Variants in CENPT observed in about 807,000 individuals in gnomAD.
The protein encoded by CENPT is interphase centromere complex protein 22.
Under a neutral mutation model 59.7 loss-of-function variants are expected in CENPT, and 42 were observed. The ratio of observed to expected loss-of-function variants is 0.70; its 90% CI spans 0.55 to 0.91. The LOEUF is 0.91. Among genes scored for constraint, CENPT ranks in the 40% least tolerant of loss-of-function variants. The pLI, the probability that CENPT is intolerant of heterozygous loss-of-function variation, is 0.00. For missense variants in CENPT, 716 were observed against 713.4 expected (o/e 1.00, Z -0.04); for synonymous variants, 295 against 289.6 (o/e 1.02, Z -0.19).
rs947102331 is a variant in CENPT, at chr16:67,832,278, T to C, written c.239A>G (p.His80Arg). 26 of 1,614,084 alleles carry C rather than the reference T, an allele frequency of 1.6e-5. No individual in the cohort carries two copies. The highest frequency in any genetic ancestry group is 2.0e-5 in the Non-Finnish European group (24 of 1,180,022). Residue 80 changes from histidine to arginine, a missense_variant, in exon 6 of 16, where the codon CAC (histidine) becomes CGC (arginine). Coordinates refer to ENST00000562787, the MANE Select transcript of CENPT (RefSeq NM_025082.4). ...GRSAHIQASG[H>R]LEEQTPRTLL... is the part of the protein sequence containing the mutation. ...CGTCCGAGGTGTCTGTTCCTCCAAGTGCCCACTGGCCTGAATATGGGCCGA... is the reference window on the plus strand; with the variant it reads ...CGTCCGAGGTGTCTGTTCCTCCAAGCGCCCACTGGCCTGAATATGGGCCGA...
intron 12 of CENPT, 43 bp from the exon 13 acceptor site, chr16:67,829,559 C>G (rs948656477): frequency 2.0e-6 from 3 of 1,519,152 alleles, no homozygotes; most frequent in Middle Eastern, 1.7e-4. Flanking sequence ...CCAGGCCTGA[C>G]CATCTCACCC....
intron 1 of CENPT, among the ~76,000 whole-genome samples, chr16:67,845,344 G>C (rs1441161749): frequency 6.6e-6 from 1 of 152,196 alleles, no homozygotes; most frequent in Non-Finnish European, 1.5e-5. Flanking sequence ...TAAAACTCAA[G>C]TCTCTGTTTC....
In CENPT at chr16:67,842,457, CGCGGCGCCGCCCGTCGAGGGGCGG is replaced by C. The variant is rs2057768501; in HGVS notation, c.-492+4920_-492+4943del. On this transcript the variant is annotated intron_variant, in intron 1 of 15. Transcript: ENST00000562787. The surrounding 1 kb of genome is among the most constrained non-coding windows in gnomAD (Gnocchi z 4.9). Reference sequence around the variant, plus strand: ...TGGTGGGATACCACCCAAGGCCTCGCGCGGCGCCGCCCGTCGAGGGGCGGGCGGCGGCGTAGCCACTGGGCCGTC... The same window carrying C: ...TGGTGGGATACCACCCAAGGCCTCGCGCGGCGGCGTAGCCACTGGGCCGTC... 9.0e-6 allele frequency: 9 copies of C among 1,004,428 alleles called. No individual in the cohort carries two copies. The highest frequency in any genetic ancestry group is 1.1e-5 in the Non-Finnish European group (9 of 782,750). The allele number at this position is 1,004,428 out of a possible 1,614,324, so 62.2% of individuals were successfully genotyped here. A position where few individuals can be genotyped will look rare whatever the true frequency, so the allele number is the denominator to read the frequency against.
At chr16:67,841,308 GCCTGCAGAATAAAA>G (rs1185844532) in intron 1 of CENPT, among the ~76,000 whole-genome samples, 1 of 151,042 alleles carries the variant, frequency 6.6e-6, no homozygotes, top group African/African-American at 2.4e-5. Flanking sequence ...GCTCTCAGTG[GCCTGCAGAATAAAA>G]CCCCAAATCC....
chr16:67,846,604 A>C (rs568672464), intron 1 of CENPT: 1 of 152,474 alleles, frequency 6.6e-6, no homozygotes, highest in African/African-American at 2.4e-5. Flanking sequence ...AGGCGGGGCC[A>C]ACCCCCACCC....
intron 1 of CENPT, among the ~76,000 whole-genome samples, chr16:67,836,452 T>A (rs2057735375): frequency 6.6e-6 from 1 of 151,578 alleles, no homozygotes; most frequent in South Asian, 2.1e-4. Context: ...TTTTTTTTTT[T>A]TTGAGATGGA....
rs1308898526 is a variant in CENPT, at chr16:67,842,190, C to A, written c.-492+5211G>T. ...CGGGCTGGGGAAAGAATCTGCTCTTCGGAGGCTATCGCAGTGCCTTGGAAG... is the reference window on the plus strand; with the variant it reads ...CGGGCTGGGGAAAGAATCTGCTCTTAGGAGGCTATCGCAGTGCCTTGGAAG... On this transcript the variant is annotated intron_variant, in intron 1 of 15. Transcript: ENST00000562787. This position sits in a 1 kb window ranked among gnomAD's most constrained non-coding sequence, Gnocchi z 4.9. The A allele has an allele frequency of 6.5e-6, 1 of 152,730 alleles. No homozygotes were observed. Among genetic ancestry groups the A allele is most frequent in the African/African-American group, 2.4e-5 (1 of 41,504 alleles). The allele number at this position is 152,730 out of a possible 1,614,324, so 9.5% of individuals were successfully genotyped here.
At chr16:67,838,083 A>T (rs1285562590) in intron 1 of CENPT, among the ~76,000 whole-genome samples, 2 of 152,148 alleles carry the variant, frequency 1.3e-5, no homozygotes, top group Admixed American at 6.6e-5. Flanking sequence ...TGGATCGTGG[A>T]GGTGGGGAGA....
intron 1 of CENPT, among the ~76,000 whole-genome samples, chr16:67,845,724 G>A (rs2057793407): frequency 6.6e-6 from 1 of 152,258 alleles, no homozygotes; most frequent in Non-Finnish European, 1.5e-5. Context: ...GGGAGAAGAA[G>A]ACAGTTCACA....
intron 1 of CENPT, among the ~76,000 whole-genome samples, chr16:67,839,027 G>A (rs2057747425): frequency 6.6e-6 from 1 of 152,080 alleles, no homozygotes; most frequent in Admixed American, 6.6e-5. Context: ...AAGGTGGCCG[G>A]ATCACCTGAG....
intron 1 of CENPT, among the ~76,000 whole-genome samples, chr16:67,839,682 GCCCAACATGGCGAAA>G (rs1456992262): frequency 7.2e-5 from 11 of 152,002 alleles, no homozygotes; most frequent in African/African-American, 2.7e-4. Context: ...AGACCAGCCA[GCCCAACATGGCGAAA>G]CCCTGTCTCT....
At chr16:67,837,531 AC>A (rs1302381903) in intron 1 of CENPT, among the ~76,000 whole-genome samples, 1 of 151,550 alleles carries the variant, frequency 6.6e-6, no homozygotes, top group South Asian at 2.1e-4. Context: ...AGATGGTGAA[AC>A]CCTGTCTCTA....
rs780966663 is a variant in CENPT at position 67,842,773 on chromosome 16, G to A, written c.-492+4628C>T. On this transcript the variant is annotated intron_variant, in intron 1 of 15. Transcript: ENST00000562787. The surrounding 1 kb of genome is among the most constrained non-coding windows in gnomAD (Gnocchi z 4.9). ...TCCAGGGCGGCCGCAAGACCTACAC[G>A]GTACGCGTCCCCACCATCTTCCCGC... The A allele has an allele frequency of 8.8e-5, 142 of 1,610,608 alleles. No homozygotes were observed. Among genetic ancestry groups the A allele is most frequent in the Middle Eastern group, 1.7e-4 (1 of 6,060 alleles).
chr16:67,835,828 GT>G (rs368629793), intron 1 of CENPT, among the ~76,000 whole-genome samples, 170 bp from the exon 2 acceptor site: 9 of 147,618 alleles, frequency 6.1e-5, no homozygotes, highest in Middle Eastern at 3.5e-3. Context: ...CCTAAATGCA[GT>G]TTTTTTTTTG....
At chr16:67,840,088 G>A (rs890804663) in intron 1 of CENPT, among the ~76,000 whole-genome samples, 4 of 151,938 alleles carry the variant, frequency 2.6e-5, no homozygotes, top group Non-Finnish European at 4.4e-5. Context: ...AGGCCGAGGC[G>A]GGCGGATCAC....
At chr16:67,844,854 T>C (rs1042849651) in intron 1 of CENPT, among the ~76,000 whole-genome samples, 1 of 151,986 alleles carries the variant, frequency 6.6e-6, no homozygotes, top group African/African-American at 2.4e-5. Context: ...AATGGTGTGA[T>C]CTCAGCTCAC....
intron 1 of CENPT, among the ~76,000 whole-genome samples, chr16:67,844,948 C>T (rs770435860): frequency 2.6e-5 from 4 of 152,020 alleles, no homozygotes; most frequent in African/African-American, 7.2e-5. Context: ...GCCACCACGT[C>T]GGGCTGATTT....
intron 10 of CENPT, chr16:67,830,986 A>C: frequency 1.7e-6 from 1 of 602,402 alleles, no homozygotes; most frequent in Non-Finnish European, 2.9e-6. Flanking sequence ...CCCCTTTACA[A>C]CCTCCAGCCC....
intron 3 of CENPT, among the ~76,000 whole-genome samples, chr16:67,834,956 C>G (rs945049681): frequency 2.0e-5 from 3 of 152,184 alleles, no homozygotes; most frequent in Non-Finnish European, 4.4e-5. Context: ...ATTCTCCTGC[C>G]TCAGCCTCCC....
Sources: allele counts gnomAD v4.1 joint callset (sites outside exome capture counted in the v4.1 genomes callset), GRCh38; gene constraint gnomAD v4.1.1; non-coding constraint Gnocchi (gnomAD v3.1); transcripts MANE v1.5; gene names NCBI Gene and HGNC (gene_info 2026-07-23, HGNC 2026-07-21).